SH3KBP1: variants seen among roughly 807,000 people sequenced by gnomAD.
The protein encoded by SH3KBP1 is SH3 domain-containing kinase-binding protein 1.
Under a neutral mutation model 50.1 loss-of-function variants are expected in SH3KBP1, and 8 were observed. That is an observed-to-expected ratio of 0.16 (90% CI 0.09 to 0.29). The LOEUF (loss-of-function observed/expected upper bound fraction) is 0.29, where lower values mean the gene tolerates loss of function less well. Ranked by LOEUF, SH3KBP1 falls within the 10% of genes least tolerant of loss-of-function variation. The pLI is 1.00. For synonymous variants in SH3KBP1, 227 were observed against 218.6 expected, an observed-to-expected ratio of 1.04 and a Z score of -0.34; for missense variants, 377 against 535.2, an observed-to-expected ratio of 0.70 and a Z score of 2.92.
intron 6 of SH3KBP1, chrX:19,670,419 C>A: frequency 6.9e-6 from 5 of 727,393 alleles, no homozygotes; most frequent in African/African-American, 2.3e-5. Flanking sequence ...CTAAGCTAAC[C>A]TGAAAAGCAA....
At chrX:19,582,872 G>A (rs73457652) in intron 12 of SH3KBP1, among the ~76,000 whole-genome samples, 2,394 of 111,101 alleles carry the variant, frequency 0.022, 63 homozygotes, top group African/African-American at 0.074. Context: ...GGATTAACAA[G>A]CCTGCTTTGG....
chrX:19,820,339 A>G (rs2067490023), intron 2 of SH3KBP1, among the ~76,000 whole-genome samples: 1 of 110,796 alleles, frequency 9.0e-6, no homozygotes, highest in South Asian at 3.8e-4. Flanking sequence ...GTACTTGTCT[A>G]TTTTCTAGTT....
At chrX:19,863,095 G>A (rs372673893) in intron 1 of SH3KBP1, among the ~76,000 whole-genome samples, 4 of 112,434 alleles carry the variant, frequency 3.6e-5, no homozygotes, top group East Asian at 2.8e-4. Context: ...GCTGAATCCC[G>A]GCACTGGAAT....
At chrX:19,827,886 C>CA (rs750250856) in intron 2 of SH3KBP1, among the ~76,000 whole-genome samples, 1 of 68,500 alleles carries the variant, frequency 1.5e-5, no homozygotes, top group Non-Finnish European at 2.3e-5. Flanking sequence ...GTCTGTTAAA[C>CA]AAAAAAACAA....
At chrX:19,538,505 G>C (rs768797662) in intron 16 of SH3KBP1, among the ~76,000 whole-genome samples, 80 of 110,606 alleles carry the variant, frequency 7.2e-4, no homozygotes, top group Non-Finnish European at 1.3e-3. Context: ...CACTAAGCCT[G>C]GCTCTTCTTG....
chrX:19,798,775 G>A (rs2066800851), intron 2 of SH3KBP1, among the ~76,000 whole-genome samples: 1 of 112,161 alleles, frequency 8.9e-6, no homozygotes, highest in African/African-American at 3.2e-5. Flanking sequence ...CAACACTGGT[G>A]GCATCTCACA....
At chrX:19,580,829 G>A (rs1295642912) in intron 12 of SH3KBP1, among the ~76,000 whole-genome samples, 1 of 111,470 alleles carries the variant, frequency 9.0e-6, no homozygotes, top group Admixed American at 9.6e-5. Context: ...TTTCCCTGCT[G>A]CTGTCTCTAC....
chrX:19,719,464 C>G, intron 3 of SH3KBP1, among the ~76,000 whole-genome samples: 1 of 111,735 alleles, frequency 8.9e-6, no homozygotes, highest in East Asian at 2.8e-4. Context: ...TCAAAGGGGC[C>G]ATCCATTGAA....
chrX:19,666,174 T>C (rs768173277), intron 6 of SH3KBP1, among the ~76,000 whole-genome samples: 1 of 100,112 alleles, frequency 1.0e-5, no homozygotes, highest in Non-Finnish European at 2.0e-5. Flanking sequence ...AATTCCAGAG[T>C]AGAAGGTGAA....
At chrX:19,721,041 G>A (rs1392080829) in intron 3 of SH3KBP1, among the ~76,000 whole-genome samples, 3 of 111,159 alleles carry the variant, frequency 2.7e-5, no homozygotes, top group Non-Finnish European at 5.7e-5. Context: ...CTTCATTGCA[G>A]GTAGTCATAA....
chrX:19,701,489 G>T (rs1391682306), intron 4 of SH3KBP1, among the ~76,000 whole-genome samples: 2 of 110,691 alleles, frequency 1.8e-5, no homozygotes, highest in Non-Finnish European at 3.8e-5. Context: ...ATTAGGGGAG[G>T]TCCCAAAGTT....
chrX:19,872,500 G>A (rs905068721), intron 1 of SH3KBP1, among the ~76,000 whole-genome samples: 24 of 109,842 alleles, frequency 2.2e-4, no homozygotes, highest in Non-Finnish European at 3.8e-4. Context: ...GGCCGGGTGC[G>A]GTAGCTCACG....
At chrX:19,643,368 G>T (rs180961091) in intron 7 of SH3KBP1, among the ~76,000 whole-genome samples, 26 of 93,498 alleles carry the variant, frequency 2.8e-4, no homozygotes, top group Non-Finnish European at 5.0e-4. Flanking sequence ...CACCCTGCTG[G>T]AGTGCAATGG....
chrX:19,751,645 A>G (rs185697098), intron 2 of SH3KBP1, among the ~76,000 whole-genome samples: 2 of 111,724 alleles, frequency 1.8e-5, no homozygotes, highest in South Asian at 3.7e-4. Context: ...GAGGCCATCA[A>G]TAAGGTATCA....
chrX:19,592,037 G>C, intron 11 of SH3KBP1, 30 bp downstream of exon 11: 1 of 1,110,786 alleles, frequency 9.0e-7, no homozygotes, highest in Non-Finnish European at 1.2e-6. Flanking sequence ...CTGCTGTTCT[G>C]GAAGTGCCAA....
At chrX:19,746,881 T>C (rs1569453897) in intron 2 of SH3KBP1, among the ~76,000 whole-genome samples, 1 of 112,320 alleles carries the variant, frequency 8.9e-6, no homozygotes, top group East Asian at 2.8e-4. Flanking sequence ...ACAAGGATAC[T>C]AAACCCAAAA....
intron 5 of SH3KBP1, chrX:19,687,555 C>CA (rs1603008821): frequency 1.0e-5 from 10 of 967,771 alleles, no homozygotes; most frequent in Non-Finnish European, 1.3e-5. Flanking sequence ...GCAGCTGCAT[C>CA]AAAAAACACA....
In SH3KBP1 at chrX:19,535,797, G is replaced by T. The variant is rs765779632; in HGVS notation, c.*620C>A. ...AAGGCACAGATCATTGCAAATACCA[G>T]ATTTTCTCTTTCTCTTTTTGTAAAT... On this transcript the variant is annotated 3_prime_UTR_variant, in exon 18 of 18. Coordinates refer to ENST00000397821, the MANE Select transcript of SH3KBP1 (RefSeq NM_031892.3). The T allele has an allele frequency of 1.8e-5, 2 of 111,628 alleles. No homozygotes were observed. Among genetic ancestry groups the T allele is most frequent in the Non-Finnish European group, 3.8e-5 (2 of 53,102 alleles). 9.2% of individuals were successfully genotyped at this position (111,628 alleles called of 1,213,427 possible). A position where few individuals can be genotyped will look rare whatever the true frequency, so the allele number is the denominator to read the frequency against.
At chrX:19,542,236 G>A in intron 15 of SH3KBP1, 43 bp from the exon 16 acceptor site, 1 of 1,118,286 alleles carries the variant, frequency 8.9e-7, no homozygotes, top group Non-Finnish European at 1.2e-6. Flanking sequence ...CCGGGGATTT[G>A]TGTGCTGCGT....
Sources: allele counts gnomAD v4.1 joint callset (sites outside exome capture counted in the v4.1 genomes callset), GRCh38; gene constraint gnomAD v4.1.1; transcripts MANE v1.5; gene names NCBI Gene and HGNC (gene_info 2026-07-23, HGNC 2026-07-21).